SMIM35: variants seen among roughly 807,000 people sequenced by gnomAD.
SMIM35 encodes the protein TMPRSS4 antisense RNA 1 (non-protein coding).
chr11:118,048,546 G>A (rs796149013), intron 1 of SMIM35, among the ~76,000 whole-genome samples: 3 of 14,824 alleles, frequency 2.0e-4, no homozygotes, highest in African/African-American at 5.0e-4. Flanking sequence ...AAGAAGGAAG[G>A]AAGGAAGGAA....
At chr11:118,044,736 T>A (rs1173596884) in intron 1 of SMIM35, among the ~76,000 whole-genome samples, 1 of 145,028 alleles carries the variant, frequency 6.9e-6, no homozygotes, top group Admixed American at 7.1e-5. Flanking sequence ...ACTGCACCAC[T>A]GTACTTTAGC....
chr11:118,023,138 G>C (rs1003939933), intron 1 of SMIM35, among the ~76,000 whole-genome samples: 1 of 151,904 alleles, frequency 6.6e-6, no homozygotes, highest in Non-Finnish European at 1.5e-5. Context: ...GGCACTCAGA[G>C]AGGCAGAGCA....
At chr11:118,031,758 A>C (rs2058322060) in intron 1 of SMIM35, 1 of 152,106 alleles carries the variant, frequency 6.6e-6, no homozygotes, top group Non-Finnish European at 1.5e-5. Flanking sequence ...CTTGGCAAAC[A>C]CCACCTTAAT....
intron 1 of SMIM35, among the ~76,000 whole-genome samples, chr11:118,039,711 A>AAAT (rs72293243): frequency 6.6e-5 from 10 of 151,054 alleles, no homozygotes; most frequent in East Asian, 2.0e-4. Flanking sequence ...CCCTGTCTCA[A>AAAT]AATAATAATA....
intron 1 of SMIM35, among the ~76,000 whole-genome samples, chr11:118,069,416 C>T (rs936569888): frequency 1.3e-5 from 2 of 152,184 alleles, no homozygotes; most frequent in African/African-American, 4.8e-5. Flanking sequence ...CCCCACACTA[C>T]TGCCAGAATT....
At chr11:118,082,566 A>AAAG (rs1565407948) in intron 1 of SMIM35, among the ~76,000 whole-genome samples, 4 of 150,164 alleles carry the variant, frequency 2.7e-5, no homozygotes, top group Admixed American at 1.3e-4. Flanking sequence ...GTCTCAAAAA[A>AAAG]AAAGAAAGAA....
chr11:118,014,450 G>A (rs375416514), intron 3 of SMIM35, among the ~76,000 whole-genome samples: 14 of 151,972 alleles, frequency 9.2e-5, no homozygotes, highest in Admixed American at 8.5e-4. Context: ...GGATGGATGG[G>A]TGGATGGATG....
chr11:118,075,938 C>G (rs1369441604), intron 1 of SMIM35, among the ~76,000 whole-genome samples: 1 of 152,152 alleles, frequency 6.6e-6, no homozygotes, highest in Admixed American at 6.5e-5. Context: ...CAGGGGGCAG[C>G]TCCAGCTATC....
chr11:118,029,586 G>A, intron 1 of SMIM35: 1 of 454,858 alleles, frequency 2.2e-6, no homozygotes, highest in South Asian at 1.6e-5. Context: ...CTTACCCCCT[G>A]TCTGCTTCTT....
At chr11:118,013,369 C>T (rs2058160066) in intron 4 of SMIM35, among the ~76,000 whole-genome samples, 1 of 152,214 alleles carries the variant, frequency 6.6e-6, no homozygotes, top group Non-Finnish European at 1.5e-5. Context: ...GGCTCCTGGG[C>T]TCAGAAAGCT....
At chr11:118,023,958 T>A (rs1205668350) in intron 1 of SMIM35, among the ~76,000 whole-genome samples, 1 of 151,084 alleles carries the variant, frequency 6.6e-6, no homozygotes, top group African/African-American at 2.4e-5. Context: ...TGCTTGAACC[T>A]GGGTGGTGGA....
intron 1 of SMIM35, among the ~76,000 whole-genome samples, chr11:118,024,470 CTGTTT>C (rs576729622): frequency 1.3e-5 from 2 of 151,922 alleles, no homozygotes; most frequent in Non-Finnish European, 2.9e-5. Context: ...TTGTTTTGTT[CTGTTT>C]TGTTTTGTTT....
intron 1 of SMIM35, among the ~76,000 whole-genome samples, chr11:118,076,017 C>CA (rs1453267457): frequency 6.6e-6 from 1 of 152,260 alleles, no homozygotes; most frequent in Admixed American, 6.5e-5. Flanking sequence ...GCCATAATCA[C>CA]AGCACTTTGG....
chr11:118,073,775 C>T (rs1387370432), intron 1 of SMIM35, among the ~76,000 whole-genome samples: 1 of 152,264 alleles, frequency 6.6e-6, no homozygotes, highest in Admixed American at 6.5e-5. Context: ...GCGAGTTCCC[C>T]TGGCCTCTGG....
intron 1 of SMIM35, among the ~76,000 whole-genome samples, chr11:118,068,324 C>T (rs549253354): frequency 1.3e-5 from 2 of 152,122 alleles, no homozygotes; most frequent in Admixed American, 1.3e-4. Context: ...GCTCCCTCCT[C>T]GGGGAGGGAG....
chr11:118,028,210 G>A (rs368516380), intron 1 of SMIM35, among the ~76,000 whole-genome samples: 9 of 152,124 alleles, frequency 5.9e-5, no homozygotes, highest in East Asian at 1.9e-4. Context: ...AGACAACATC[G>A]TCTCCCCGCA....
intron 1 of SMIM35, among the ~76,000 whole-genome samples, chr11:118,083,135 C>G (rs1470705546): frequency 1.3e-5 from 2 of 152,226 alleles, no homozygotes; most frequent in East Asian, 1.9e-4. Flanking sequence ...TCGTCTGCCA[C>G]AGAAACCTTC....
chr11:118,076,493 C>T (rs1786191), intron 1 of SMIM35, among the ~76,000 whole-genome samples: 111,144 of 151,962 alleles, frequency 0.73, 40,959 homozygotes, highest in Non-Finnish European at 0.76. Flanking sequence ...GAAATGACTC[C>T]GTGGACGAGG....
chr11:118,066,397 C>T (rs1944474903), intron 1 of SMIM35, among the ~76,000 whole-genome samples: 1 of 151,976 alleles, frequency 6.6e-6, no homozygotes, highest in Non-Finnish European at 1.5e-5. Context: ...CCAGGCTCTC[C>T]ATCCACACAG....
Sources: gnomAD v4.1 joint callset for allele counts (sites outside exome capture counted in the v4.1 genomes callset) on GRCh38, gnomAD v4.1.1 for gene constraint, MANE v1.5 for transcripts, NCBI Gene and HGNC (gene_info 2026-07-23, HGNC 2026-07-21) for gene names.